The following DLG2 variants were observed in gnomAD, a reference collection of about 807,000 sequenced individuals.
DLG2 encodes disks large homolog 2.
Under a neutral mutation model 132.5 loss-of-function variants are expected in DLG2, and 45 were observed. That is an observed-to-expected ratio of 0.34 (90% CI 0.27 to 0.44). DLG2 has a LOEUF of 0.44. Among genes scored for constraint, DLG2 ranks in the 20% least tolerant of loss-of-function variants. The pLI is 1.00. For missense variants in DLG2, 1,045 were observed against 1,196.9 expected, an observed-to-expected ratio of 0.87 and a Z score of 1.87; for synonymous variants, 424 against 419.6, an observed-to-expected ratio of 1.01 and a Z score of -0.13.
At chr11:83,587,342 C>G (rs1471631051) in intron 19 of DLG2, among the ~76,000 whole-genome samples, 1 of 152,026 alleles carries the variant, frequency 6.6e-6, no homozygotes, top group Non-Finnish European at 1.5e-5. Context: ...GCAATCTCAG[C>G]TCACTGCAAC....
intron 7 of DLG2, among the ~76,000 whole-genome samples, chr11:84,286,281 G>A (rs1480557326): frequency 6.6e-6 from 1 of 152,112 alleles, no homozygotes; most frequent in Non-Finnish European, 1.5e-5. Context: ...CCACTCTGCT[G>A]CTTTTAAAAA....
At chr11:85,212,993 C>T (rs536992999) in intron 4 of DLG2, among the ~76,000 whole-genome samples, 1 of 152,044 alleles carries the variant, frequency 6.6e-6, no homozygotes, top group African/African-American at 2.4e-5. Flanking sequence ...ATGGAGAATA[C>T]ATATCTGATT....
intron 15 of DLG2, among the ~76,000 whole-genome samples, chr11:83,902,818 T>C (rs560060452): frequency 1.2e-3 from 186 of 152,282 alleles, no homozygotes; most frequent in African/African-American, 4.2e-3. Flanking sequence ...TATGGGGAAC[T>C]GGAAATGATG....
At chr11:85,065,740 T>C (rs183111235) in intron 6 of DLG2, among the ~76,000 whole-genome samples, 575 of 150,728 alleles carry the variant, frequency 3.8e-3, no homozygotes, top group Non-Finnish European at 6.6e-3. Flanking sequence ...GAAATTAAGG[T>C]GGAAATTTAA....
intron 22 of DLG2, among the ~76,000 whole-genome samples, chr11:83,475,376 A>G (rs2092506854): frequency 6.6e-6 from 1 of 152,064 alleles, no homozygotes; most frequent in Non-Finnish European, 1.5e-5. Flanking sequence ...TCTCACAGGC[A>G]TTGCTTGAGG....
At chr11:84,970,607 C>T (rs180777040) in intron 6 of DLG2, among the ~76,000 whole-genome samples, 154 of 152,206 alleles carry the variant, frequency 1.0e-3, no homozygotes, top group Non-Finnish European at 1.9e-3. Flanking sequence ...AGGTGAAACA[C>T]CCCTCAAAGC....
chr11:84,708,275 G>C (rs949732018), intron 6 of DLG2, among the ~76,000 whole-genome samples: 19 of 151,790 alleles, frequency 1.3e-4, no homozygotes, highest in African/African-American at 3.4e-4. Flanking sequence ...GTTTACGAAG[G>C]CTTTCTATAT....
intron 15 of DLG2, among the ~76,000 whole-genome samples, chr11:83,902,968 T>C (rs1252351872): frequency 6.6e-6 from 1 of 152,140 alleles, no homozygotes; most frequent in Non-Finnish European, 1.5e-5. Context: ...TTTATTTTTT[T>C]CCATTGCCAT....
chr11:85,383,006 A>G (rs2086018187), intron 3 of DLG2, among the ~76,000 whole-genome samples: 1 of 152,130 alleles, frequency 6.6e-6, no homozygotes, highest in Non-Finnish European at 1.5e-5. Flanking sequence ...CTGAAAACAC[A>G]TCCACACAAG....
chr11:84,737,516 G>T (rs2064008469), intron 6 of DLG2, among the ~76,000 whole-genome samples: 1 of 151,668 alleles, frequency 6.6e-6, no homozygotes, highest in South Asian at 2.1e-4. Flanking sequence ...GAGAGAGAGA[G>T]AGAGAGAGAG....
intron 4 of DLG2, among the ~76,000 whole-genome samples, chr11:85,239,779 C>A (rs950612493): frequency 4.0e-5 from 6 of 151,898 alleles, no homozygotes; most frequent in African/African-American, 1.4e-4. Context: ...ATTGCAAGAA[C>A]ATAACACAAT....
chr11:84,913,487 ATTTAT>A (rs1214610538), intron 6 of DLG2, among the ~76,000 whole-genome samples: 1 of 152,152 alleles, frequency 6.6e-6, no homozygotes, highest in African/African-American at 2.4e-5. Context: ...GCTTACCTGT[ATTTAT>A]TTACTTTTCA....
At chr11:83,763,034 C>T (rs2093979924) in intron 18 of DLG2, among the ~76,000 whole-genome samples, 1 of 152,168 alleles carries the variant, frequency 6.6e-6, no homozygotes, top group Non-Finnish European at 1.5e-5. Context: ...CCTCCCTGTC[C>T]ACCCTTGAAG....
chr11:85,156,158 A>G (rs1379274778), intron 4 of DLG2, among the ~76,000 whole-genome samples: 2 of 152,164 alleles, frequency 1.3e-5, no homozygotes, highest in African/African-American at 4.8e-5. Flanking sequence ...ATACTAGTCT[A>G]TTGTAGACTC....
intron 17 of DLG2, among the ~76,000 whole-genome samples, chr11:83,815,981 C>T (rs2048781081): frequency 6.6e-6 from 1 of 152,176 alleles, no homozygotes; most frequent in South Asian, 2.1e-4. Context: ...ACTCTGGCTC[C>T]TGAGCCTATA....
At chr11:85,360,156 A>G (rs1447872249) in intron 3 of DLG2, among the ~76,000 whole-genome samples, 1 of 152,188 alleles carries the variant, frequency 6.6e-6, no homozygotes, top group African/African-American at 2.4e-5. Flanking sequence ...ATGATTTTTA[A>G]CACACTTGTC....
At chr11:84,434,643 ATAT>A (rs1168773853) in intron 7 of DLG2, among the ~76,000 whole-genome samples, 1 of 152,150 alleles carries the variant, frequency 6.6e-6, no homozygotes, top group African/African-American at 2.4e-5. Context: ...ACTATCATTA[ATAT>A]TATTATTGTT....
chr11:84,640,314 T>G (rs2099655751), intron 6 of DLG2: 1 of 344,152 alleles, frequency 2.9e-6, no homozygotes, highest in Admixed American at 3.6e-5. Context: ...GGAGAATGGG[T>G]CTCTTGTTGA....
At chr11:84,461,367 T>C (rs2099079676) in intron 7 of DLG2, among the ~76,000 whole-genome samples, 1 of 150,930 alleles carries the variant, frequency 6.6e-6, no homozygotes, top group Admixed American at 6.6e-5. Flanking sequence ...AGTCTGTTTC[T>C]ATAGGTATTA....
Sources: gnomAD v4.1 joint callset for allele counts (sites outside exome capture counted in the v4.1 genomes callset) on GRCh38, gnomAD v4.1.1 for gene constraint, MANE v1.5 for transcripts, NCBI Gene and HGNC (gene_info 2026-07-23, HGNC 2026-07-21) for gene names.